Variants in TCTN1 observed in about 807,000 individuals in gnomAD.
The protein encoded by TCTN1 is tectonic-1.
Under a neutral mutation model 65.8 loss-of-function variants are expected in TCTN1, and 58 were observed. The observed-to-expected ratio is 0.88, with a 90% CI of 0.71 to 1.10. TCTN1 has a LOEUF of 1.10. TCTN1 is among the 50% of genes least tolerant of loss of function. The probability of loss-of-function intolerance (pLI) is 0.00; values close to 1 mark genes in which losing one functional copy is unlikely to be tolerated. For missense variants in TCTN1, 645 were observed against 719.4 expected (o/e 0.90, Z 1.18); for synonymous variants, 273 against 289.1 (o/e 0.94, Z 0.57).
chr12:110,614,150 C>G lies in TCTN1; in HGVS notation c.-33C>G. ...CGCGGTTGCCGGGCAACGCGCTGTC[C>G]ATGTCGCGGGCCTCGCTGGGACTCC... On this transcript the variant is annotated 5_prime_UTR_variant, in exon 1 of 15. Transcript: ENST00000397659. 1 of 1,545,994 alleles carries G rather than the reference C, an allele frequency of 6.5e-7. No homozygotes were observed. The highest frequency in any genetic ancestry group is 8.7e-7 in the Non-Finnish European group (1 of 1,146,846).
chr12:110,645,067 C>G lies in TCTN1; in HGVS notation c.1432C>G (p.Gln478Glu), dbSNP rs1357664914. 5 of 1,614,194 alleles carry G rather than the reference C, an allele frequency of 3.1e-6. No homozygotes were observed. Among genetic ancestry groups the G allele is most frequent in the South Asian group, 1.1e-5 (1 of 91,078 alleles). Residue 478 changes from glutamine (Q) to glutamate (E), a missense_variant, in exon 12 of 15, where the codon CAG becomes GAG. Coordinates refer to ENST00000397659, the MANE Select transcript of TCTN1 (RefSeq NM_001082538.3). ...TTACGTGGCCCCTTTTGGAAATTCCCAGGCCCAGGACATGCTGGACTGGGT... is the reference window on the plus strand; with the variant it reads ...TTACGTGGCCCCTTTTGGAAATTCCGAGGCCCAGGACATGCTGGACTGGGT... ...PDYVAPFGNSQAQDMLDWVPI... is the reference protein window; with the variant it reads ...PDYVAPFGNSEAQDMLDWVPI...
intron 1 of TCTN1, among the ~76,000 whole-genome samples, chr12:110,618,303 C>T (rs1343102136): frequency 5.9e-5 from 9 of 151,862 alleles, no homozygotes; most frequent in Non-Finnish European, 1.0e-4. Flanking sequence ...TGCAGTGACG[C>T]GATCTCGGCT....
chr12:110,614,705 C>A (rs144944365), intron 1 of TCTN1, among the ~76,000 whole-genome samples: 1 of 152,052 alleles, frequency 6.6e-6, no homozygotes, highest in Admixed American at 6.6e-5. Context: ...TTCTTGCAGC[C>A]CAAGACGAAA....
rs2066996844 is a variant in TCTN1, at chr12:110,642,114, A to G, written c.1191-135A>G. The stretch of plus-strand genomic sequence containing the variant: ...ACTGTTTTTTTGCCTGCTCCTGGGA[A>G]ATAGCTGTCAAAATCCCAGAGGCCC... On this transcript the variant is annotated intron_variant, in intron 10 of 14. Coordinates refer to ENST00000397659, the MANE Select transcript of TCTN1 (RefSeq NM_001082538.3). 6 of 1,146,820 alleles carry G rather than the reference A, an allele frequency of 5.2e-6. No individual in the cohort carries two copies. The East Asian group carries it at 1.5e-4, about 29-fold the overall frequency. 71.0% of individuals were successfully genotyped at this position (1,146,820 alleles called of 1,614,324 possible).
intron 1 of TCTN1, among the ~76,000 whole-genome samples, chr12:110,618,714 G>C (rs892259842): frequency 6.6e-6 from 1 of 152,024 alleles, no homozygotes; most frequent in Admixed American, 6.6e-5. Flanking sequence ...AAGATTGAAG[G>C]TTGATCTTAC....
At chr12:110,645,321 CCT>C (rs2067226894) in intron 12 of TCTN1, 192 bp downstream of exon 12, 1 of 665,298 alleles carries the variant, frequency 1.5e-6, no homozygotes, top group East Asian at 2.8e-5. Flanking sequence ...TGGCTTTGAG[CCT>C]CTGTTTTCAT....
chr12:110,633,211 G>A (rs1195694909), intron 5 of TCTN1, among the ~76,000 whole-genome samples: 1 of 152,200 alleles, frequency 6.6e-6, no homozygotes, highest in Admixed American at 6.5e-5. Flanking sequence ...AGCAGGCTTG[G>A]CTCTCCCATC....
At chr12:110,617,148 AT>A (rs149046893) in intron 1 of TCTN1, among the ~76,000 whole-genome samples, 10 of 152,270 alleles carry the variant, frequency 6.6e-5, no homozygotes, top group African/African-American at 2.4e-4. Context: ...AGCACTTTTA[AT>A]TTTTTACATT....
At chr12:110,622,675 A>G (rs2065520992) in intron 2 of TCTN1, among the ~76,000 whole-genome samples, 1 of 152,072 alleles carries the variant, frequency 6.6e-6, no homozygotes, top group South Asian at 2.1e-4. Flanking sequence ...GTGTGGCCAG[A>G]AGAGGGGTGG....
intron 4 of TCTN1, among the ~76,000 whole-genome samples, chr12:110,631,158 G>T (rs1371284090): frequency 6.6e-6 from 1 of 151,920 alleles, no homozygotes; most frequent in African/African-American, 2.4e-5. Flanking sequence ...TAGAGATGGG[G>T]TTTCACCATG....
chr12:110,646,412 A>T (rs1402897859), intron 12 of TCTN1: 1 of 151,856 alleles, frequency 6.6e-6, no homozygotes, highest in Non-Finnish European at 1.5e-5. Flanking sequence ...TTTTTTAATG[A>T]AAAAATGTCA....
At chr12:110,621,700 C>T (rs934449845) in intron 2 of TCTN1, among the ~76,000 whole-genome samples, 1 of 151,952 alleles carries the variant, frequency 6.6e-6, no homozygotes, top group Non-Finnish European at 1.5e-5. Context: ...TCTTGAACTT[C>T]TGACCTCGTG....
intron 5 of TCTN1, among the ~76,000 whole-genome samples, chr12:110,633,260 G>A (rs2066347260): frequency 6.6e-6 from 1 of 152,194 alleles, no homozygotes; most frequent in Non-Finnish European, 1.5e-5. Context: ...AGTAATGGAC[G>A]ATAGGAATGT....
In TCTN1 at chr12:110,649,413, G is replaced by A. The variant is rs1351366394; in HGVS notation, c.*372G>A. 3.7e-6 allele frequency: 6 copies of A among 1,607,742 alleles called. No individual in the cohort carries two copies. The African/African-American group carries it at 8.0e-5, about 21-fold the overall frequency. ...TTTGAGGGGAGCTGGTCCGGGTCTA[G>A]TTCACTTCACCAAGAAGTCCATGCT... On this transcript the variant is annotated 3_prime_UTR_variant, in exon 15 of 15. Coordinates refer to ENST00000397659, the MANE Select transcript of TCTN1 (RefSeq NM_001082538.3).
intron 2 of TCTN1, among the ~76,000 whole-genome samples, chr12:110,624,431 C>T (rs1048658751): frequency 8.6e-5 from 13 of 151,938 alleles, no homozygotes; most frequent in Admixed American, 2.0e-4. Context: ...CCAGGCTGGT[C>T]TTGAACTCCT....
At chr12:110,638,018 C>T (rs11065687) in intron 7 of TCTN1, among the ~76,000 whole-genome samples, 39,262 of 152,024 alleles carry the variant, frequency 0.26, 6,208 homozygotes, top group East Asian at 0.57. Flanking sequence ...ATGTGTCTGA[C>T]GTCTTTGAAT....
At chr12:110,614,569 T>G (rs1201256443) in intron 1 of TCTN1, 167 bp downstream of exon 1, 11 of 1,344,422 alleles carry the variant, frequency 8.2e-6, no homozygotes, top group Non-Finnish European at 1.1e-5. Context: ...CCCTGAGAAG[T>G]AGCTGTTACT....
intron 12 of TCTN1, 88 bp from the exon 13 acceptor site, chr12:110,647,108 T>G: frequency 6.7e-7 from 1 of 1,496,894 alleles, no homozygotes; most frequent in Non-Finnish European, 9.3e-7. Context: ...CAGAACATTT[T>G]GTAATATGTG....
chr12:110,626,610 T>A, intron 3 of TCTN1, 118 bp downstream of exon 3: 6 of 1,115,122 alleles, frequency 5.4e-6, no homozygotes, highest in South Asian at 1.4e-5. Flanking sequence ...GACAGAGTCT[T>A]GCTCTGTCAC....
Sources: allele counts gnomAD v4.1 joint callset (sites outside exome capture counted in the v4.1 genomes callset), GRCh38; gene constraint gnomAD v4.1.1; transcripts MANE v1.5; gene names NCBI Gene and HGNC (gene_info 2026-07-23, HGNC 2026-07-21).